WHR1: variants seen among roughly 807,000 people sequenced by gnomAD.
WHR1 encodes the protein MHC class III HLA-RP1.
the WHR1 span, chr6:31,980,245 C>G: frequency 4.6e-3 from 2,428 of 526,988 alleles, 82 homozygotes; most frequent in East Asian, 0.068. Context: ...GGAGGGCAGT[C>G]CAGGTAGGGG....
At chr6:31,972,668 G>T in the WHR1 span, 1 of 1,613,850 alleles carries the variant, frequency 6.2e-7, no homozygotes, top group South Asian at 1.1e-5. The surrounding 1 kb of genome is among the most constrained non-coding windows in gnomAD (Gnocchi z 6.3). Flanking sequence ...GTTCCCGCGA[G>T]GCCTGTTTGA....
At chr6:31,972,251 C>T in the WHR1 span, 1 of 1,613,130 alleles carries the variant, frequency 6.2e-7, no homozygotes. The surrounding 1 kb of genome is among the most constrained non-coding windows in gnomAD (Gnocchi z 6.3). Flanking sequence ...CCAGCACTGA[C>T]GGGCCTGAGG....
chr6:31,971,175 G>T, the WHR1 span: 134 of 1,606,552 alleles, frequency 8.3e-5, no homozygotes, highest in Non-Finnish European at 1.0e-4. This position sits in a 1 kb window ranked among gnomAD's most constrained non-coding sequence, Gnocchi z 4.5. Flanking sequence ...CAGGCTGAAG[G>T]TCTGACACAA....
the WHR1 span, chr6:31,972,788 C>T: frequency 6.2e-6 from 10 of 1,606,674 alleles, no homozygotes; most frequent in Non-Finnish European, 7.6e-6. The surrounding 1 kb of genome is among the most constrained non-coding windows in gnomAD (Gnocchi z 6.3). Context: ...CGCCGGAAGC[C>T]CCTTTCCTAA....
the WHR1 span, among the ~76,000 whole-genome samples, chr6:31,978,014 C>T: frequency 2.6e-4 from 39 of 152,046 alleles, no homozygotes; most frequent in Admixed American, 7.2e-4. Flanking sequence ...TATTGAACTC[C>T]TGACCTCAGG....
the WHR1 span, chr6:31,971,177 C>G: frequency 5.6e-6 from 9 of 1,605,180 alleles, no homozygotes; most frequent in East Asian, 2.0e-4. The surrounding 1 kb of genome is among the most constrained non-coding windows in gnomAD (Gnocchi z 4.5). Flanking sequence ...GGCTGAAGGT[C>G]TGACACAAGC....
the WHR1 span, chr6:31,978,821 C>A: frequency 1.5e-6 from 2 of 1,324,922 alleles, no homozygotes; most frequent in African/African-American, 3.0e-5. Flanking sequence ...CAAACAAAAT[C>A]TCCCTGCCTG....
the WHR1 span, chr6:31,971,200 C>T: frequency 5.0e-6 from 8 of 1,586,804 alleles, no homozygotes; most frequent in Admixed American, 1.2e-4. This position sits in a 1 kb window ranked among gnomAD's most constrained non-coding sequence, Gnocchi z 4.5. Flanking sequence ...TAGTGAGATG[C>T]TCCCCTCGAA....
the WHR1 span, chr6:31,972,611 A>G: frequency 1.2e-4 from 190 of 1,602,220 alleles, no homozygotes; most frequent in Non-Finnish European, 1.5e-4. This position sits in a 1 kb window ranked among gnomAD's most constrained non-coding sequence, Gnocchi z 6.3. Context: ...GAGCCGATTT[A>G]TCTGCCCAGG....
At chr6:31,975,831 G>C in the WHR1 span, among the ~76,000 whole-genome samples, 1 of 151,792 alleles carries the variant, frequency 6.6e-6, no homozygotes, top group Non-Finnish European at 1.5e-5. Flanking sequence ...GGGCAGAGGG[G>C]CTCCTCACTT....
At chr6:31,971,594 AAGGTGCTGGACG>A in the WHR1 span, 3 of 1,613,632 alleles carry the variant, frequency 1.9e-6, no homozygotes, top group Non-Finnish European at 2.5e-6. This position sits in a 1 kb window ranked among gnomAD's most constrained non-coding sequence, Gnocchi z 4.5. Context: ...GTGGGCAGAG[AAGGTGCTGGACG>A]AGGTAGTTTG....
At chr6:31,972,317 A>G in the WHR1 span, 3 of 1,612,976 alleles carry the variant, frequency 1.9e-6, no homozygotes, top group African/African-American at 4.0e-5. This position sits in a 1 kb window ranked among gnomAD's most constrained non-coding sequence, Gnocchi z 6.3. Context: ...ACGCCCGGGG[A>G]GACCGTACGT....
At chr6:31,980,255 G>A in the WHR1 span, 9 of 540,402 alleles carry the variant, frequency 1.7e-5, no homozygotes, top group Non-Finnish European at 2.9e-5. Flanking sequence ...CCAGGTAGGG[G>A]GCCTGGAACA....
At chr6:31,976,442 G>C in the WHR1 span, among the ~76,000 whole-genome samples, 117 of 151,362 alleles carry the variant, frequency 7.7e-4, 3 homozygotes, top group South Asian at 0.021. Context: ...TCACATCCCA[G>C]ACGGGGCGGC....
the WHR1 span, chr6:31,979,982 G>A: frequency 4.9e-6 from 1 of 203,476 alleles, no homozygotes; most frequent in Non-Finnish European, 1.0e-5. Flanking sequence ...TCTGGCTCAG[G>A]CCTCCTACTT....
the WHR1 span, chr6:31,973,250 A>C: frequency 6.3e-6 from 2 of 315,610 alleles, no homozygotes; most frequent in Non-Finnish European, 1.3e-5. Context: ...GTCCAGGACA[A>C]CTCAGACTTT....
the WHR1 span, among the ~76,000 whole-genome samples, chr6:31,974,279 CA>C: frequency 0.29 from 33,889 of 118,332 alleles, 4,765 homozygotes; most frequent in African/African-American, 0.5. Context: ...GACTTTGTCT[CA>C]AAAAAAAAAA....
the WHR1 span, chr6:31,971,523 G>A: frequency 6.2e-7 from 1 of 1,614,100 alleles, no homozygotes; most frequent in South Asian, 1.1e-5. This position sits in a 1 kb window ranked among gnomAD's most constrained non-coding sequence, Gnocchi z 4.5. Flanking sequence ...CCAGGGAGAA[G>A]CAGCCCAGTT....
chr6:31,973,612 T>C, the WHR1 span, among the ~76,000 whole-genome samples: 2 of 152,236 alleles, frequency 1.3e-5, no homozygotes, highest in East Asian at 3.9e-4. Context: ...AGGGTGTATG[T>C]ATAGTTAGGG....
Sources: gnomAD v4.1 joint callset for allele counts (sites outside exome capture counted in the v4.1 genomes callset) on GRCh38, gnomAD v4.1.1 for gene constraint, Gnocchi (gnomAD v3.1) non-coding constraint, MANE v1.5 for transcripts, NCBI Gene and HGNC (gene_info 2026-07-23, HGNC 2026-07-21) for gene names.